DOCK3: variants seen among roughly 807,000 people sequenced by gnomAD.
The protein encoded by DOCK3 is dedicator of cytokinesis protein 3.
Under a neutral mutation model 265.6 loss-of-function variants are expected in DOCK3, and 60 were observed. That is an observed-to-expected ratio of 0.23 (90% CI 0.18 to 0.28). DOCK3 has a LOEUF of 0.28. Among genes scored for constraint, DOCK3 ranks in the 10% least tolerant of loss-of-function variants. The probability of loss-of-function intolerance (pLI) is 1.00; values close to 1 mark genes in which losing one functional copy is unlikely to be tolerated. For missense variants in DOCK3, 1,981 were observed against 2,594.3 expected (o/e 0.76, Z 5.14); for synonymous variants, 881 against 938.0 (o/e 0.94, Z 1.11).
intron 2 of DOCK3, among the ~76,000 whole-genome samples, chr3:50,783,869 ATTT>A (rs71631077): frequency 7.4e-6 from 1 of 134,424 alleles, no homozygotes; most frequent in Non-Finnish European, 1.6e-5. Flanking sequence ...TCTTGAGTTG[ATTT>A]TTTTTTTTTT....
intron 9 of DOCK3, among the ~76,000 whole-genome samples, chr3:51,133,667 G>T (rs1417845573): frequency 6.6e-6 from 1 of 152,016 alleles, no homozygotes; most frequent in Non-Finnish European, 1.5e-5. Context: ...ATAATCCTTT[G>T]GGTATATACC....
chr3:50,727,411 AG>A (rs1290750603), intron 1 of DOCK3, among the ~76,000 whole-genome samples: 19 of 152,100 alleles, frequency 1.2e-4, no homozygotes, highest in Non-Finnish European at 1.9e-4. Flanking sequence ...AATGGTGAAA[AG>A]GTTGGCCAGG....
intron 9 of DOCK3, among the ~76,000 whole-genome samples, chr3:51,137,063 A>T: frequency 6.6e-6 from 1 of 152,224 alleles, no homozygotes; most frequent in African/African-American, 2.4e-5. Flanking sequence ...AGCTTAAAAA[A>T]ATAAATTTGG....
At chr3:50,926,367 G>C (rs1303847629) in intron 4 of DOCK3, among the ~76,000 whole-genome samples, 1 of 152,090 alleles carries the variant, frequency 6.6e-6, no homozygotes, top group African/African-American at 2.4e-5. Flanking sequence ...TTTTAAAAAA[G>C]TTTGCCTATT....
chr3:50,728,457 A>G (rs1251667552), intron 1 of DOCK3, among the ~76,000 whole-genome samples: 1 of 152,192 alleles, frequency 6.6e-6, no homozygotes, highest in Non-Finnish European at 1.5e-5. Context: ...AATAAAGATA[A>G]GAGCTGAAAT....
intron 5 of DOCK3, among the ~76,000 whole-genome samples, chr3:51,011,669 A>C (rs916498627): frequency 6.6e-6 from 1 of 152,150 alleles, no homozygotes; most frequent in Non-Finnish European, 1.5e-5. Flanking sequence ...GCGGGCGAGG[A>C]GCTGCATTCC....
chr3:50,710,260 CTA>C (rs2036670543), intron 1 of DOCK3, among the ~76,000 whole-genome samples: 1 of 152,126 alleles, frequency 6.6e-6, no homozygotes, highest in Non-Finnish European at 1.5e-5. Context: ...TCTTTGCAAA[CTA>C]TGCATTCAAC....
At chr3:51,346,715 C>T (rs927647900) in intron 38 of DOCK3, among the ~76,000 whole-genome samples, 1 of 152,212 alleles carries the variant, frequency 6.6e-6, no homozygotes, top group Non-Finnish European at 1.5e-5. Context: ...AATCTCCACA[C>T]TGTCTTCCAC....
At chr3:51,326,583 T>TTTGTTGCTGTTG (rs1324008430) in intron 32 of DOCK3, among the ~76,000 whole-genome samples, 3 of 140,118 alleles carry the variant, frequency 2.1e-5, no homozygotes, top group East Asian at 2.1e-4. Context: ...CCTGGCATGT[T>TTTGTTGCTGTTG]TTGTTGTTGT....
At chr3:50,983,070 A>G (rs182051075) in intron 5 of DOCK3, among the ~76,000 whole-genome samples, 1 of 152,216 alleles carries the variant, frequency 6.6e-6, no homozygotes, top group Non-Finnish European at 1.5e-5. Flanking sequence ...GCACTGTCAC[A>G]GCCCAGCCAG....
intron 9 of DOCK3, among the ~76,000 whole-genome samples, chr3:51,140,910 T>C (rs1191697588): frequency 6.6e-6 from 1 of 152,206 alleles, no homozygotes; most frequent in African/African-American, 2.4e-5. Flanking sequence ...TGGAGAAATA[T>C]CTATTCAAGT....
chr3:51,362,556 C>G lies in DOCK3; in HGVS notation c.5175C>G (p.Gly1725=). 1 of 1,614,034 alleles carries G rather than the reference C, an allele frequency of 6.2e-7. No individual in the cohort carries two copies. The change falls in exon 49 of 53, where the codon GGC becomes GGG. Residue 1725 remains glycine, a synonymous_variant. Transcript: ENST00000266037. ...QLAYPNPRYQ[G]SVTNVSVLSS... The stretch of plus-strand genomic sequence containing the variant: ...CGTATCCCAACCCCAGGTACCAAGG[C>G]TCAGTCACCAACGTCTCTGTTCTGT...
intron 9 of DOCK3, among the ~76,000 whole-genome samples, chr3:51,139,089 C>A (rs1026398201): frequency 6.6e-6 from 1 of 151,994 alleles, no homozygotes; most frequent in African/African-American, 2.4e-5. Flanking sequence ...TACATAGCAC[C>A]AAGGTTGTAC....
At chr3:50,963,499 C>A (rs1168605640) in intron 5 of DOCK3, among the ~76,000 whole-genome samples, 4 of 152,080 alleles carry the variant, frequency 2.6e-5, no homozygotes, top group African/African-American at 7.2e-5. Context: ...TATTGTTTAT[C>A]TGAGAATATA....
intron 4 of DOCK3, chr3:50,901,701 ATGGCTACCCTTGGCTAGGGG>A: frequency 8.8e-6 from 4 of 453,976 alleles, no homozygotes; most frequent in Non-Finnish European, 1.8e-5. Context: ...ACAGTCCCTC[ATGGCTACCCTTGGCTAGGGG>A]AGGGAATTCC....
chr3:51,297,978 C>A (rs1181003483), intron 27 of DOCK3, among the ~76,000 whole-genome samples: 1 of 151,476 alleles, frequency 6.6e-6, no homozygotes, highest in African/African-American at 2.4e-5. Flanking sequence ...AGAGTGAGAC[C>A]CCATCTCAAA....
At chr3:50,730,495 A>G (rs903080037) in intron 1 of DOCK3, among the ~76,000 whole-genome samples, 1 of 152,216 alleles carries the variant, frequency 6.6e-6, no homozygotes, top group Non-Finnish European at 1.5e-5. Context: ...TAACTCATTT[A>G]TTAAGCCAGC....
chr3:51,381,192 C>T lies in DOCK3; in HGVS notation c.5726C>T (p.Pro1909Leu), dbSNP rs1193937373. The change falls in exon 53 of 53, where the codon CCT becomes CTT. Residue 1909 changes from proline to leucine, a missense_variant. Pro to Leu is a moderately conservative substitution (Grantham distance 98, BLOSUM62 -3). This residue lies in a region of DOCK3 where 1,357 missense variants were observed against 1,866.8 expected (regional missense o/e 0.73). Coordinates refer to ENST00000266037, the MANE Select transcript of DOCK3 (RefSeq NM_004947.5). This position sits in a 1 kb window ranked among gnomAD's most constrained non-coding sequence, Gnocchi z 5.6. The stretch of plus-strand genomic sequence containing the variant: ...TTTGGGCACTCCTCGGAGGCCCCAC[C>T]TCGCACTGACACCATGGACTCCATG... Reference protein sequence around the residue: ...SNFGHSSEAPPRTDTMDSMPS... With the variant: ...SNFGHSSEAPLRTDTMDSMPS... The T allele has an allele frequency of 6.2e-7, 1 of 1,613,824 alleles. No individual in the cohort carries two copies. The highest frequency in any genetic ancestry group is 8.5e-7 in the Non-Finnish European group (1 of 1,179,888).
At chr3:51,297,764 G>C (rs1249543775) in intron 27 of DOCK3, among the ~76,000 whole-genome samples, 1 of 145,660 alleles carries the variant, frequency 6.9e-6, no homozygotes, top group South Asian at 2.2e-4. Context: ...GCAAGACCCT[G>C]TCTTTACAAA....
Sources: allele counts gnomAD v4.1 joint callset (sites outside exome capture counted in the v4.1 genomes callset), GRCh38; gene constraint gnomAD v4.1.1; regional missense constraint gnomAD v4.1.1; non-coding constraint Gnocchi (gnomAD v3.1); transcripts MANE v1.5; gene names NCBI Gene and HGNC (gene_info 2026-07-23, HGNC 2026-07-21).